ZFHX3: variants seen among roughly 807,000 people sequenced by gnomAD.
ZFHX3 encodes zinc finger homeobox protein 3.
Under a neutral mutation model 279.1 loss-of-function variants are expected in ZFHX3, and 42 were observed. The observed-to-expected ratio is 0.15, with a 90% CI of 0.12 to 0.19. The LOEUF (loss-of-function observed/expected upper bound fraction) is 0.19. Among genes scored for constraint, ZFHX3 ranks in the 10% least tolerant of loss-of-function variants. The pLI is 1.00. For missense variants in ZFHX3, 4,981 were observed against 4,754.0 expected, an observed-to-expected ratio of 1.05 and a Z score of -1.40; for synonymous variants, 2,293 against 1,957.8, an observed-to-expected ratio of 1.17 and a Z score of -4.52.
chr16:73,690,297 T>C (rs1027139860), intron 1 of ZFHX3, among the ~76,000 whole-genome samples: 3 of 152,216 alleles, frequency 2.0e-5, no homozygotes, highest in East Asian at 1.9e-4. Context: ...TTAGCATCCA[T>C]GTACGGGGCC....
At chr16:73,449,663 T>A (rs2018249602) in intron 3 of ZFHX3, among the ~76,000 whole-genome samples, 1 of 152,178 alleles carries the variant, frequency 6.6e-6, no homozygotes, top group Non-Finnish European at 1.5e-5. Context: ...GAGAACAAGA[T>A]GACAAATATT....
At chr16:73,511,045 T>C (rs1398895817) in intron 2 of ZFHX3, among the ~76,000 whole-genome samples, 5 of 152,242 alleles carry the variant, frequency 3.3e-5, no homozygotes, top group African/African-American at 1.2e-4. Flanking sequence ...TTGTGCTTCT[T>C]TGATGTTGTC....
intron 1 of ZFHX3, among the ~76,000 whole-genome samples, chr16:73,860,076 C>A (rs1004002621): frequency 2.0e-5 from 3 of 152,276 alleles, no homozygotes; most frequent in Non-Finnish European, 2.9e-5. Flanking sequence ...TTGATCATTG[C>A]CGGATGTGAA....
At chr16:73,115,168 C>A (rs1302997694) in intron 7 of ZFHX3, among the ~76,000 whole-genome samples, 1 of 152,052 alleles carries the variant, frequency 6.6e-6, no homozygotes, top group Non-Finnish European at 1.5e-5. Context: ...CAAGTCTCAG[C>A]AGACGCTGCT....
intron 4 of ZFHX3, among the ~76,000 whole-genome samples, chr16:72,870,826 G>A (rs1263075042): frequency 6.6e-6 from 1 of 151,882 alleles, no homozygotes; most frequent in Non-Finnish European, 1.5e-5. Context: ...ATTTGAATAA[G>A]GACTATAATA....
chr16:73,434,582 G>T (rs1447760168), intron 3 of ZFHX3, among the ~76,000 whole-genome samples: 1 of 150,896 alleles, frequency 6.6e-6, no homozygotes, highest in Non-Finnish European at 1.5e-5. Flanking sequence ...ACTTGACTTT[G>T]TGCTGTGTTG....
At chr16:73,888,058 T>A (rs1479027454) in intron 1 of ZFHX3, among the ~76,000 whole-genome samples, 1 of 152,110 alleles carries the variant, frequency 6.6e-6, no homozygotes, top group African/African-American at 2.4e-5. Flanking sequence ...GCCCCTCCTT[T>A]CCATCTGCAT....
chr16:73,876,710 T>C (rs897534018), intron 1 of ZFHX3, among the ~76,000 whole-genome samples: 22 of 152,218 alleles, frequency 1.4e-4, no homozygotes, highest in Admixed American at 1.4e-3. Flanking sequence ...ACTCATTTGT[T>C]AAACCAGAAT....
intron 2 of ZFHX3, among the ~76,000 whole-genome samples, chr16:73,599,279 C>T (rs1392541198): frequency 6.6e-6 from 1 of 152,180 alleles, no homozygotes; most frequent in Non-Finnish European, 1.5e-5. Context: ...ACTCAACCGG[C>T]CTTTTGGAAG....
chr16:72,929,357 A>C (rs73590794), intron 3 of ZFHX3, among the ~76,000 whole-genome samples: 17,028 of 151,798 alleles, frequency 0.11, 1,341 homozygotes, highest in African/African-American at 0.22. Context: ...GCTTGGGGAG[A>C]GGTCCACCCG....
chr16:73,513,411 C>A (rs898299415), intron 2 of ZFHX3, among the ~76,000 whole-genome samples: 1 of 152,206 alleles, frequency 6.6e-6, no homozygotes, highest in African/African-American at 2.4e-5. Flanking sequence ...ATCTGTTGCA[C>A]TGACACCTCT....
intron 2 of ZFHX3, among the ~76,000 whole-genome samples, chr16:73,603,148 A>G (rs538325667): frequency 6.6e-6 from 1 of 151,588 alleles, no homozygotes; most frequent in South Asian, 2.1e-4. Flanking sequence ...AGCCGGGCGC[A>G]GTGGCGGGCG....
At chr16:73,738,139 A>G (rs1040526427) in intron 1 of ZFHX3, among the ~76,000 whole-genome samples, 5 of 152,228 alleles carry the variant, frequency 3.3e-5, no homozygotes, top group African/African-American at 1.2e-4. Flanking sequence ...TGAATCAGGC[A>G]CTTTTATCCC....
chr16:72,851,686 C>A (rs947617738), intron 4 of ZFHX3, among the ~76,000 whole-genome samples: 3 of 152,028 alleles, frequency 2.0e-5, no homozygotes, highest in Non-Finnish European at 4.4e-5. Context: ...TCCCGAGTAG[C>A]TGGGATTACA....
intron 3 of ZFHX3, among the ~76,000 whole-genome samples, chr16:73,406,670 A>G (rs184442458): frequency 3.5e-4 from 53 of 152,346 alleles, no homozygotes; most frequent in African/African-American, 1.2e-3. Context: ...TCTCCTGCCC[A>G]AATCCTGCCT....
At chr16:73,134,121 G>A (rs1019727291) in intron 6 of ZFHX3, among the ~76,000 whole-genome samples, 8 of 152,116 alleles carry the variant, frequency 5.3e-5, no homozygotes, top group African/African-American at 1.9e-4. Context: ...AGGCACAAAA[G>A]GGTTGAGTAA....
intron 2 of ZFHX3, among the ~76,000 whole-genome samples, chr16:73,604,243 A>G (rs2052154647): frequency 6.6e-6 from 1 of 152,032 alleles, no homozygotes; most frequent in African/African-American, 2.4e-5. Context: ...ATGGCTTTAA[A>G]TAGTTTTTTT....
At chr16:73,133,061 G>A (rs1258909057) in intron 6 of ZFHX3, among the ~76,000 whole-genome samples, 2 of 152,208 alleles carry the variant, frequency 1.3e-5, no homozygotes, top group Non-Finnish European at 2.9e-5. Flanking sequence ...GTTTTAAGAA[G>A]TTCAGAGCCC....
At chr16:73,184,505 G>A (rs1187822685) in intron 5 of ZFHX3, among the ~76,000 whole-genome samples, 4 of 152,202 alleles carry the variant, frequency 2.6e-5, no homozygotes, top group African/African-American at 9.7e-5. Context: ...CACTGCCCAA[G>A]TGGGGATTTA....
Sources: gnomAD v4.1 joint callset for allele counts (sites outside exome capture counted in the v4.1 genomes callset) on GRCh38, gnomAD v4.1.1 for gene constraint, MANE v1.5 for transcripts, NCBI Gene and HGNC (gene_info 2026-07-23, HGNC 2026-07-21) for gene names.